Variants in COLEC12 observed in about 807,000 individuals in gnomAD.
The protein encoded by COLEC12 is collectin subfamily member 12.
In COLEC12, 33 loss-of-function variants were observed where a neutral mutation model predicts 71.1. That is an observed-to-expected ratio of 0.46 (90% CI 0.35 to 0.62). COLEC12 has a LOEUF of 0.62. Among genes scored for constraint, COLEC12 ranks in the 20% least tolerant of loss-of-function variants. The pLI is 0.00. For synonymous variants in COLEC12, 350 were observed against 353.0 expected, an observed-to-expected ratio of 0.99 and a Z score of 0.10; for missense variants, 765 against 916.1, an observed-to-expected ratio of 0.84 and a Z score of 2.13.
In COLEC12 at chr18:347,282, C is replaced by G. The variant is rs758028888; in HGVS notation, c.340G>C (p.Asp114His). The G allele has an allele frequency of 1.9e-6, 3 of 1,614,140 alleles. No homozygotes were observed. The African/African-American group carries it at 4.0e-5, about 22-fold the overall frequency. ...AGTTGCTGACGGAGATCTAGAATGTCTGATCTGAAGGTGGAGAGTTCTGAG... is the reference window on the plus strand; with the variant it reads ...AGTTGCTGACGGAGATCTAGAATGTGTGATCTGAAGGTGGAGAGTTCTGAG... ...TNSELSTFRS[D>H]ILDLRQQLRE... The change falls in exon 5 of 10, where the codon GAC (aspartate) becomes CAC (histidine). Residue 114 changes from aspartate to histidine, a missense_variant. By Grantham distance (81) the Asp-to-His change is moderately conservative. Transcript: ENST00000400256.
intron 2 of COLEC12, among the ~76,000 whole-genome samples, chr18:396,455 T>C (rs1243839417): frequency 6.6e-6 from 1 of 152,178 alleles, no homozygotes; most frequent in Non-Finnish European, 1.5e-5. Flanking sequence ...ACTAACCTAC[T>C]CAGTGGCTTC....
chr18:358,664 C>T (rs1046303717), intron 2 of COLEC12, among the ~76,000 whole-genome samples: 9 of 152,194 alleles, frequency 5.9e-5, no homozygotes, highest in African/African-American at 1.9e-4. Context: ...TGCTCACCTC[C>T]TGCTATGCAG....
chr18:454,132 C>G (rs1237006663), intron 2 of COLEC12, among the ~76,000 whole-genome samples: 1 of 149,898 alleles, frequency 6.7e-6, no homozygotes, highest in East Asian at 2.0e-4. Context: ...TCCCCATGGG[C>G]CCCCTGGTCT....
At chr18:417,411 AT>A (rs1916008508) in intron 2 of COLEC12, among the ~76,000 whole-genome samples, 1 of 152,216 alleles carries the variant, frequency 6.6e-6, no homozygotes, top group Non-Finnish European at 1.5e-5. Flanking sequence ...CCAAAACATC[AT>A]TATGCAGTGC....
intron 1 of COLEC12, among the ~76,000 whole-genome samples, chr18:485,050 T>C (rs1013252950): frequency 2.0e-5 from 3 of 152,226 alleles, no homozygotes; most frequent in Non-Finnish European, 2.9e-5. Context: ...CAGAAGGCTA[T>C]GCTAGGGCCC....
intron 2 of COLEC12, among the ~76,000 whole-genome samples, chr18:397,322 T>A (rs565445719): frequency 6.6e-6 from 1 of 152,300 alleles, no homozygotes; most frequent in East Asian, 1.9e-4. Context: ...CCCCACCCCA[T>A]GCTCTATTTT....
intron 2 of COLEC12, among the ~76,000 whole-genome samples, chr18:418,846 T>C (rs113620976): frequency 7.5e-4 from 115 of 152,376 alleles, no homozygotes; most frequent in Middle Eastern, 3.4e-3. Flanking sequence ...GGCTACTCTA[T>C]GCAGTAGCCA....
intron 2 of COLEC12, chr18:424,268 G>C (rs975185361): frequency 2.0e-5 from 3 of 152,218 alleles, no homozygotes; most frequent in African/African-American, 7.2e-5. Context: ...GATCGTAGTG[G>C]GACTTACGTA....
At chr18:388,599 A>G (rs1226740942) in intron 2 of COLEC12, among the ~76,000 whole-genome samples, 1 of 152,048 alleles carries the variant, frequency 6.6e-6, no homozygotes, top group Non-Finnish European at 1.5e-5. Flanking sequence ...TTTTTGTTTC[A>G]TTTTGTTTTT....
intron 5 of COLEC12, among the ~76,000 whole-genome samples, chr18:339,216 C>T (rs893934249): frequency 2.6e-5 from 4 of 152,184 alleles, no homozygotes; most frequent in Non-Finnish European, 5.9e-5. Flanking sequence ...CTCCCTTCCT[C>T]TCCTGACATG....
chr18:368,700 T>TA (rs34298014), intron 2 of COLEC12, among the ~76,000 whole-genome samples: 2 of 150,936 alleles, frequency 1.3e-5, no homozygotes, highest in African/African-American at 2.4e-5. Context: ...CCGTCTCCAC[T>TA]AAAAAATACA....
At chr18:479,525 TAC>T (rs1491175002) in intron 2 of COLEC12, among the ~76,000 whole-genome samples, 1 of 143,812 alleles carries the variant, frequency 7.0e-6, no homozygotes, top group African/African-American at 2.7e-5. Context: ...TTCATTTTCA[TAC>T]TCTCTCTCTC....
In COLEC12 at chr18:432,115, C is replaced by G. The variant is rs543544517; in HGVS notation, c.58+48592G>C. On this transcript the variant is annotated intron_variant, in intron 2 of 9. Transcript: ENST00000400256. ...TCTTCTCCATCTTTTTGTCTACACT[C>G]TTAGGTCTGGAACTGGATCCATAGT... Among the ~76,000 whole-genome samples the G allele has an allele frequency of 2.6e-5, 4 of 152,154 alleles. No individual in the cohort carries two copies. In the South Asian group the frequency reaches 8.3e-4, roughly 32 times the overall value.
chr18:426,094 G>C (rs981619676), intron 2 of COLEC12, among the ~76,000 whole-genome samples: 2 of 152,192 alleles, frequency 1.3e-5, no homozygotes, highest in African/African-American at 4.8e-5. Flanking sequence ...TCAGAGGTCG[G>C]ATTCAGACAG....
chr18:391,336 G>T (rs149115085), intron 2 of COLEC12, among the ~76,000 whole-genome samples: 1 of 152,328 alleles, frequency 6.6e-6, no homozygotes, highest in East Asian at 1.9e-4. Flanking sequence ...GAACAGGAAA[G>T]AACATTTTAC....
intron 8 of COLEC12, among the ~76,000 whole-genome samples, chr18:331,300 C>A (rs572788720): frequency 6.6e-6 from 1 of 152,220 alleles, no homozygotes; most frequent in African/African-American, 2.4e-5. Context: ...CTTGGAAACA[C>A]GCCTGGGGCG....
At position 362,869 on chromosome 18, in the gene COLEC12, T is replaced by C. The variant is rs1206881137; in HGVS notation, c.59-5347A>G. Among the ~76,000 whole-genome samples the C allele has an allele frequency of 6.6e-6, 1 of 152,174 alleles. No homozygotes were observed. Among genetic ancestry groups the C allele is most frequent in the African/African-American group, 2.4e-5 (1 of 41,446 alleles). The stretch of plus-strand genomic sequence containing the variant: ...TTTTCCAGTGTCCGAGTCTTTGTTA[T>C]ACAAAAAAGTGTGGGGGCCCAGTGA... On this transcript the variant is annotated intron_variant, in intron 2 of 9. Coordinates refer to ENST00000400256, the MANE Select transcript of COLEC12 (RefSeq NM_130386.3). The surrounding 1 kb of genome is among the most constrained non-coding windows in gnomAD (Gnocchi z 4.6).
At chr18:386,496 C>T (rs1291165562) in intron 2 of COLEC12, among the ~76,000 whole-genome samples, 1 of 152,156 alleles carries the variant, frequency 6.6e-6, no homozygotes, top group Non-Finnish European at 1.5e-5. Context: ...AACAAGATCC[C>T]CAGGTGATTC....
chr18:406,486 G>C (rs549960050), intron 2 of COLEC12, among the ~76,000 whole-genome samples: 1 of 131,462 alleles, frequency 7.6e-6, no homozygotes, highest in Non-Finnish European at 1.5e-5. Flanking sequence ...TCCGCAGTCC[G>C]GCCTGGACGA....
Sources: allele counts gnomAD v4.1 joint callset (sites outside exome capture counted in the v4.1 genomes callset), GRCh38; gene constraint gnomAD v4.1.1; non-coding constraint Gnocchi (gnomAD v3.1); transcripts MANE v1.5; gene names NCBI Gene and HGNC (gene_info 2026-07-23, HGNC 2026-07-21).